Variants in IQCH observed in about 807,000 individuals in gnomAD.
The protein encoded by IQCH is IQ motif containing H.
In IQCH, 98 loss-of-function variants were observed where a neutral mutation model predicts 117.0. The ratio of observed to expected loss-of-function variants is 0.84; its 90% CI spans 0.71 to 0.99. IQCH has a LOEUF of 0.99. IQCH is among the 50% of genes least tolerant of loss of function. IQCH has a pLI of 0.00. For synonymous variants in IQCH, 412 were observed against 448.2 expected (o/e 0.92, Z 1.02); for missense variants, 1,102 against 1,243.8 (o/e 0.89, Z 1.72).
rs1263909498 is a variant in IQCH, at chr15:67,494,413, GC to G, written c.2970+48del. 7.8e-7 allele frequency: 1 copy of G among 1,275,396 alleles called. No individual in the cohort carries two copies. 79.0% of individuals were successfully genotyped at this position (1,275,396 alleles called of 1,614,324 possible). ...GATTCTGGTTAATTTCTATACAAGG[GC>G]TGAAAATACCTCATGCTGTATTGTA... On this transcript the variant is annotated intron_variant, in intron 20 of 20. Coordinates refer to ENST00000335894, the MANE Select transcript of IQCH (RefSeq NM_001031715.3). The surrounding 1 kb of genome is among the most constrained non-coding windows in gnomAD (Gnocchi z 5.5).
rs142952553 is a variant in IQCH at position 67,466,155 on chromosome 15, A to G, written c.2676+858A>G. ...CCATCAGTGAGGGGGCTGGGGCCAG[A>G]GTCCTGGGGCTGGCTGCGGGTTACC... On this transcript the variant is annotated intron_variant, in intron 17 of 20. Transcript: ENST00000335894. This position sits in a 1 kb window ranked among gnomAD's most constrained non-coding sequence, Gnocchi z 4.4. 2.5e-3 allele frequency among the ~76,000 whole-genome samples: 379 copies of G among 152,300 alleles called. 1 individual carries two copies. Among genetic ancestry groups the G allele is most frequent in the Non-Finnish European group, 4.7e-3 (321 of 68,020 alleles).
chr15:67,416,208 C>G lies in IQCH; in HGVS notation c.2098-723C>G, dbSNP rs1210417436. Among the ~76,000 whole-genome samples the G allele has an allele frequency of 2.6e-5, 4 of 152,070 alleles. No homozygotes were observed. Among genetic ancestry groups the G allele is most frequent in the Non-Finnish European group, 5.9e-5 (4 of 68,016 alleles). On this transcript the variant is annotated intron_variant, in intron 14 of 20. Coordinates refer to ENST00000335894, the MANE Select transcript of IQCH (RefSeq NM_001031715.3). This position sits in a 1 kb window ranked among gnomAD's most constrained non-coding sequence, Gnocchi z 5.1. ...GATCAGTATGACCAACATGGTGAAA[C>G]CCTATCTCTACTAAAAATACAAAAT...
At position 67,490,068 on chromosome 15, in the gene IQCH, AGTATGAAGT is replaced by A; in HGVS notation, c.2861+9_2861+17del. 1 of 1,597,096 alleles carries A rather than the reference AGTATGAAGT, an allele frequency of 6.3e-7. No homozygotes were observed. The highest frequency in any genetic ancestry group is 8.6e-7 in the Non-Finnish European group (1 of 1,167,474). On this transcript the variant is annotated splice_donor_5th_base_variant and intron_variant, in intron 19 of 20. Coordinates refer to ENST00000335894, the MANE Select transcript of IQCH (RefSeq NM_001031715.3). This position sits in a 1 kb window ranked among gnomAD's most constrained non-coding sequence, Gnocchi z 4.9. The stretch of plus-strand genomic sequence containing the variant: ...AGAGACACAAGTTGGGAATGTTGTG[AGTATGAAGT>A]GTATCTGTGAGTTGCAATAAGCTAA...
chr15:67,324,750 G>A (rs537871914), intron 4 of IQCH, among the ~76,000 whole-genome samples: 98 of 151,534 alleles, frequency 6.5e-4, no homozygotes, highest in African/African-American at 2.3e-3. Context: ...AAGTTCCATT[G>A]TTTCTGATGA....
At position 67,456,433 on chromosome 15, in the gene IQCH, G is replaced by A. The variant is rs1406798212; in HGVS notation, c.2506-8694G>A. Among the ~76,000 whole-genome samples, 2 of 152,126 alleles carry A rather than the reference G, an allele frequency of 1.3e-5. No homozygotes were observed. The highest frequency in any genetic ancestry group is 2.4e-5 in the African/African-American group (1 of 41,412). The stretch of plus-strand genomic sequence containing the variant: ...CCTGAGAAGTCATTTCACCCTCAGA[G>A]TCCTCACCCATAAAATGAAGAGATG... On this transcript the variant is annotated intron_variant, in intron 16 of 20. Transcript: ENST00000335894. The surrounding 1 kb of genome is among the most constrained non-coding windows in gnomAD (Gnocchi z 5.1).
At position 67,369,114 on chromosome 15, in the gene IQCH, C is replaced by T. The variant is rs760571439; in HGVS notation, c.754-2997C>T. ...TTTTTTGCTTAACATCTGTGACTTA[C>T]TAACATATGTAATCATCATCCTGCT... On this transcript the variant is annotated intron_variant, in intron 8 of 20. Coordinates refer to ENST00000335894, the MANE Select transcript of IQCH (RefSeq NM_001031715.3). The surrounding 1 kb of genome is among the most constrained non-coding windows in gnomAD (Gnocchi z 5.2). Among the ~76,000 whole-genome samples the T allele has an allele frequency of 6.6e-6, 1 of 152,188 alleles. No individual in the cohort carries two copies. Among genetic ancestry groups the T allele is most frequent in the African/African-American group, 2.4e-5 (1 of 41,434 alleles).
At chr15:67,352,685 A>T (rs1969716660) in intron 6 of IQCH, among the ~76,000 whole-genome samples, 1 of 151,972 alleles carries the variant, frequency 6.6e-6, no homozygotes, top group Non-Finnish European at 1.5e-5. Context: ...GGATGAAAAC[A>T]ATTTGTCTTT....
At chr15:67,357,557 C>T (rs1013923961) in intron 7 of IQCH, 136 bp downstream of exon 7, 1 of 667,582 alleles carries the variant, frequency 1.5e-6, no homozygotes, top group Non-Finnish European at 2.7e-6. Context: ...TGCTGGTATG[C>T]ATTTGACTTT....
At chr15:67,484,549 T>G (rs577204419) in intron 18 of IQCH, among the ~76,000 whole-genome samples, 1 of 142,862 alleles carries the variant, frequency 7.0e-6, no homozygotes, top group African/African-American at 2.6e-5. Flanking sequence ...GTTAGCATGG[T>G]GAAACCCTGT....
intron 4 of IQCH, among the ~76,000 whole-genome samples, chr15:67,297,379 A>C (rs765526617): frequency 5.9e-5 from 9 of 152,154 alleles, no homozygotes; most frequent in Admixed American, 3.3e-4. Flanking sequence ...ATTTTTGGCA[A>C]AGTCTTTGAA....
chr15:67,280,919 T>C (rs1418957726), intron 4 of IQCH, among the ~76,000 whole-genome samples: 1 of 152,116 alleles, frequency 6.6e-6, no homozygotes, highest in Non-Finnish European at 1.5e-5. Flanking sequence ...CAATCTCGGC[T>C]CACTGCAACC....
chr15:67,384,431 C>T lies in IQCH; in HGVS notation c.1373-505C>T, dbSNP rs987012947. Among the ~76,000 whole-genome samples, 1 of 151,992 alleles carries T rather than the reference C, an allele frequency of 6.6e-6. No homozygotes were observed. ...TTTGAAAGTTAAAAGTTCTTGTGAC[C>T]GTGAGCAGAAGCTGATTTCTTTAGT... On this transcript the variant is annotated intron_variant, in intron 10 of 20. Transcript: ENST00000335894. This position sits in a 1 kb window ranked among gnomAD's most constrained non-coding sequence, Gnocchi z 4.3.
At chr15:67,412,750 T>C (rs991544282) in intron 14 of IQCH, among the ~76,000 whole-genome samples, 5 of 152,152 alleles carry the variant, frequency 3.3e-5, no homozygotes, top group South Asian at 2.1e-4. Context: ...TGCTGGCTTA[T>C]AACAGATATT....
chr15:67,264,506 A>G (rs1965588778), intron 3 of IQCH, among the ~76,000 whole-genome samples: 1 of 152,176 alleles, frequency 6.6e-6, no homozygotes, highest in African/African-American at 2.4e-5. Context: ...AGTTACTGGC[A>G]GGCCTTTGTT....
intron 3 of IQCH, among the ~76,000 whole-genome samples, chr15:67,273,947 C>G (rs924165961): frequency 6.6e-6 from 1 of 152,322 alleles, no homozygotes; most frequent in East Asian, 1.9e-4. Context: ...CAGTATTCTT[C>G]GAAGGCAGCT....
chr15:67,274,544 A>C (rs1966042516), intron 3 of IQCH, among the ~76,000 whole-genome samples: 1 of 152,134 alleles, frequency 6.6e-6, no homozygotes, highest in Non-Finnish European at 1.5e-5. Context: ...TTTCTTTGAT[A>C]AATTTCTTAA....
intron 8 of IQCH, among the ~76,000 whole-genome samples, chr15:67,360,904 G>A (rs1288581196): frequency 2.6e-5 from 4 of 152,226 alleles, no homozygotes; most frequent in Non-Finnish European, 5.9e-5. Context: ...GTCCCTTGAC[G>A]TCTTACTGTG....
chr15:67,255,149 G>T (rs990483290), intron 1 of IQCH: 9 of 605,150 alleles, frequency 1.5e-5, no homozygotes, highest in East Asian at 2.8e-5. Flanking sequence ...TGTAGGTTAC[G>T]CCCCAGAAGC....
intron 5 of IQCH, among the ~76,000 whole-genome samples, chr15:67,341,217 T>G (rs756674026): frequency 6.7e-6 from 1 of 149,958 alleles, no homozygotes; most frequent in Non-Finnish European, 1.5e-5. Flanking sequence ...AAAATAAAAA[T>G]AAAGAAAGAA....
Sources: gnomAD v4.1 joint callset for allele counts (sites outside exome capture counted in the v4.1 genomes callset) on GRCh38, gnomAD v4.1.1 for gene constraint, Gnocchi (gnomAD v3.1) non-coding constraint, MANE v1.5 for transcripts, NCBI Gene and HGNC (gene_info 2026-07-23, HGNC 2026-07-21) for gene names.